Variants in CAMK2D observed in about 807,000 individuals in gnomAD.
The protein encoded by CAMK2D is calcium/calmodulin dependent protein kinase II delta, also known as calcium/calmodulin-dependent protein kinase type II subunit delta.
A neutral mutation model predicts 84.0 loss-of-function variants in CAMK2D; 37 were observed. The observed-to-expected ratio is 0.44, with a 90% CI of 0.34 to 0.58. The LOEUF (loss-of-function observed/expected upper bound fraction) is 0.58. Ranked by LOEUF, CAMK2D falls within the 20% of genes least tolerant of loss-of-function variation. CAMK2D has a pLI of 0.02. For synonymous variants in CAMK2D, 202 were observed against 212.5 expected, an observed-to-expected ratio of 0.95 and a Z score of 0.43; for missense variants, 448 against 652.5, an observed-to-expected ratio of 0.69 and a Z score of 3.41.
At chr4:113,470,035 T>C (rs963065038) in intron 16 of CAMK2D, among the ~76,000 whole-genome samples, 2 of 152,128 alleles carry the variant, frequency 1.3e-5, no homozygotes, top group African/African-American at 2.4e-5. Context: ...TTTTTTTAAA[T>C]GCCTATCTCT....
In CAMK2D at chr4:113,478,194, C is replaced by A. The variant is rs146488453; in HGVS notation, c.1136-12590G>T. ...CTGAGAATGACTACAAAGGTTATCGCTGGCACTTGCATAGTCAGATTACAA... is the reference window on the plus strand; with the variant it reads ...CTGAGAATGACTACAAAGGTTATCGATGGCACTTGCATAGTCAGATTACAA... On this transcript the variant is annotated intron_variant, in intron 16 of 20. Transcript: ENST00000511664. Among the ~76,000 whole-genome samples, 7 of 152,240 alleles carry A rather than the reference C, an allele frequency of 4.6e-5. No individual in the cohort carries two copies. The East Asian group carries it at 1.3e-3, about 29-fold the overall frequency.
chr4:113,584,420 G>A (rs1591550074), intron 4 of CAMK2D, among the ~76,000 whole-genome samples: 1 of 152,294 alleles, frequency 6.6e-6, no homozygotes, highest in East Asian at 1.9e-4. Context: ...CCGATGATGA[G>A]GAGAGAAAAC....
At chr4:113,683,928 C>T (rs2099352562) in intron 2 of CAMK2D, among the ~76,000 whole-genome samples, 2 of 152,306 alleles carry the variant, frequency 1.3e-5, no homozygotes, top group African/African-American at 2.4e-5. Context: ...TTCAGACTGA[C>T]TTTACCACTT....
intron 4 of CAMK2D, among the ~76,000 whole-genome samples, chr4:113,597,600 T>C (rs1279616175): frequency 2.6e-5 from 4 of 152,238 alleles, no homozygotes; most frequent in Non-Finnish European, 5.9e-5. Context: ...AATAAAGCTT[T>C]CTCCATATTA....
At chr4:113,634,757 T>G (rs1470739228) in intron 3 of CAMK2D, among the ~76,000 whole-genome samples, 2 of 152,176 alleles carry the variant, frequency 1.3e-5, no homozygotes, top group African/African-American at 4.8e-5. Context: ...GAATCAAAAG[T>G]AAATAAACAG....
chr4:113,751,749 G>A (rs1215311558), intron 2 of CAMK2D, among the ~76,000 whole-genome samples: 3 of 152,058 alleles, frequency 2.0e-5, no homozygotes, highest in Non-Finnish European at 2.9e-5. Context: ...CAGCTTGGGC[G>A]ACAGAGCGAG....
chr4:113,519,054 T>C (rs2098324217), intron 8 of CAMK2D, among the ~76,000 whole-genome samples: 1 of 152,072 alleles, frequency 6.6e-6, no homozygotes, highest in Admixed American at 6.6e-5. Context: ...AAAATGATGA[T>C]AGTAATGATG....
intron 3 of CAMK2D, among the ~76,000 whole-genome samples, chr4:113,635,927 G>T (rs1345786649): frequency 6.6e-6 from 1 of 152,214 alleles, no homozygotes; most frequent in African/African-American, 2.4e-5. Flanking sequence ...GCAGGCATCT[G>T]CTTTGATTGG....
chr4:113,696,716 C>A (rs1440986808), intron 2 of CAMK2D, among the ~76,000 whole-genome samples: 2 of 152,094 alleles, frequency 1.3e-5, no homozygotes, highest in Non-Finnish European at 2.9e-5. Flanking sequence ...CTGTTCTAAG[C>A]ACTTTAATAG....
At chr4:113,711,882 A>G (rs2099494028) in intron 2 of CAMK2D, among the ~76,000 whole-genome samples, 1 of 152,104 alleles carries the variant, frequency 6.6e-6, no homozygotes, top group East Asian at 1.9e-4. Flanking sequence ...TAACGTTACC[A>G]TTTTCATTAA....
chr4:113,725,867 A>T (rs1028181255), intron 2 of CAMK2D, among the ~76,000 whole-genome samples: 9 of 152,208 alleles, frequency 5.9e-5, no homozygotes. Context: ...CTAAGGAAGT[A>T]AATCATACCA....
At chr4:113,716,018 A>G (rs2099512328) in intron 2 of CAMK2D, among the ~76,000 whole-genome samples, 1 of 152,204 alleles carries the variant, frequency 6.6e-6, no homozygotes, top group Non-Finnish European at 1.5e-5. Flanking sequence ...AGTTTATTTC[A>G]GGTACTAGGC....
At chr4:113,550,364 G>A (rs1427677310) in intron 5 of CAMK2D, among the ~76,000 whole-genome samples, 1 of 152,112 alleles carries the variant, frequency 6.6e-6, no homozygotes, top group Non-Finnish European at 1.5e-5. Context: ...GCAGAGACAG[G>A]GTTTCACCAT....
At chr4:113,656,022 T>C (rs1405107895) in intron 3 of CAMK2D, among the ~76,000 whole-genome samples, 1 of 152,180 alleles carries the variant, frequency 6.6e-6, no homozygotes, top group Non-Finnish European at 1.5e-5. Flanking sequence ...ATTTTTCTTT[T>C]ACTTATTTGA....
At chr4:113,512,310 T>C (rs1179234571) in intron 12 of CAMK2D, among the ~76,000 whole-genome samples, 2 of 152,222 alleles carry the variant, frequency 1.3e-5, no homozygotes, top group Admixed American at 6.5e-5. Context: ...AATATATACT[T>C]TATCTCCACT....
At chr4:113,473,837 A>AT (rs1230681211) in intron 16 of CAMK2D, among the ~76,000 whole-genome samples, 1 of 152,170 alleles carries the variant, frequency 6.6e-6, no homozygotes, top group Non-Finnish European at 1.5e-5. Flanking sequence ...ATAAGTACAA[A>AT]TAGGTTTATG....
At chr4:113,705,242 T>C (rs1240827595) in intron 2 of CAMK2D, among the ~76,000 whole-genome samples, 4 of 147,364 alleles carry the variant, frequency 2.7e-5, no homozygotes, top group Non-Finnish European at 1.5e-5. Context: ...CAGGAGAATG[T>C]AGTGAACCCA....
At chr4:113,513,986 T>G (rs2098251981) in intron 10 of CAMK2D, 73 bp from the exon 11 acceptor site, 1 of 666,426 alleles carries the variant, frequency 1.5e-6, no homozygotes, top group South Asian at 2.0e-5. Flanking sequence ...TGTCCCTGAC[T>G]TCATCAAATA....
chr4:113,719,270 G>A (rs2148593053), intron 2 of CAMK2D, among the ~76,000 whole-genome samples: 1 of 152,260 alleles, frequency 6.6e-6, no homozygotes, highest in Non-Finnish European at 1.5e-5. Flanking sequence ...TCAGAAATCA[G>A]GAGAGAGATG....
Sources: gnomAD v4.1 joint callset for allele counts (sites outside exome capture counted in the v4.1 genomes callset) on GRCh38, gnomAD v4.1.1 for gene constraint, MANE v1.5 for transcripts, NCBI Gene and HGNC (gene_info 2026-07-23, HGNC 2026-07-21) for gene names.